The following RSF1 variants were observed in gnomAD, a reference collection of about 807,000 sequenced individuals.
RSF1 encodes remodeling and spacing factor 1, also known as HBV pX-associated protein 8.
In RSF1, 13 loss-of-function variants were observed where a neutral mutation model predicts 145.2. The observed-to-expected ratio is 0.09, with a 90% CI of 0.06 to 0.14. The LOEUF (loss-of-function observed/expected upper bound fraction) is 0.14, where lower values mean the gene tolerates loss of function less well. RSF1 is among the 10% of genes least tolerant of loss of function. The pLI is 1.00. For missense variants in RSF1, 1,517 were observed against 1,718.2 expected (o/e 0.88, Z 2.07); for synonymous variants, 577 against 592.6 (o/e 0.97, Z 0.38).
the RSF1 span, among the ~76,000 whole-genome samples, chr11:77,859,579 G>A: frequency 1.3e-5 from 2 of 152,124 alleles, no homozygotes; most frequent in Non-Finnish European, 2.9e-5. Flanking sequence ...TCTGCCAGCT[G>A]AGCACTAGTT....
At chr11:77,814,276 T>C (rs1948760937) in intron 1 of RSF1, among the ~76,000 whole-genome samples, 2 of 151,466 alleles carry the variant, frequency 1.3e-5, no homozygotes, top group Admixed American at 6.6e-5. Flanking sequence ...GGTGGGAGTA[T>C]CACCTGAGTC....
intron 5 of RSF1, among the ~76,000 whole-genome samples, chr11:77,713,845 C>A (rs1218544144): frequency 6.6e-6 from 1 of 152,076 alleles, no homozygotes; most frequent in Non-Finnish European, 1.5e-5. Flanking sequence ...GTTTGATGGG[C>A]ATGTCTTTCT....
intron 1 of RSF1, among the ~76,000 whole-genome samples, chr11:77,812,162 G>C (rs1948737934): frequency 6.6e-6 from 1 of 152,180 alleles, no homozygotes. Context: ...CTGGGTGACA[G>C]AGTGAGACCC....
rs190697157 is a variant in RSF1, at chr11:77,684,974, C to A, written c.2955+131G>T. On this transcript the variant is annotated intron_variant, in intron 10 of 15. Transcript: ENST00000308488. ...TGCACTCCAGTCTGGGCAACAAGAA[C>A]GAAACTCCATCTCGAAATAAATAAA... is the stretch of plus-strand genomic sequence containing the variant. 1.7e-4 allele frequency: 74 copies of A among 433,198 alleles called. No homozygotes were observed. In the South Asian group the frequency reaches 3.2e-3, roughly 19 times the overall value. 26.8% of individuals were successfully genotyped at this position (433,198 alleles called of 1,614,324 possible).
chr11:77,724,351 A>G (rs565329620), intron 5 of RSF1, among the ~76,000 whole-genome samples: 2 of 152,304 alleles, frequency 1.3e-5, no homozygotes, highest in East Asian at 1.9e-4. Flanking sequence ...GAATTACCAT[A>G]TATGATCCAG....
intron 5 of RSF1, among the ~76,000 whole-genome samples, chr11:77,709,915 C>T (rs888883231): frequency 6.6e-6 from 1 of 152,018 alleles, no homozygotes; most frequent in African/African-American, 2.4e-5. Flanking sequence ...CTGCACCTGA[C>T]CAGTGACAAT....
chr11:77,852,586 A>T, the RSF1 span, among the ~76,000 whole-genome samples: 1 of 152,104 alleles, frequency 6.6e-6, no homozygotes, highest in Non-Finnish European at 1.5e-5. Flanking sequence ...CAGGGACACA[A>T]ATCCAAACCA....
intron 4 of RSF1, among the ~76,000 whole-genome samples, chr11:77,739,738 T>G (rs914197498): frequency 3.9e-4 from 60 of 152,256 alleles, no homozygotes; most frequent in African/African-American, 1.4e-3. Flanking sequence ...AGGACCCCGA[T>G]ATCTTCCAAA....
chr11:77,797,961 A>G (rs1162211030), intron 1 of RSF1, among the ~76,000 whole-genome samples: 2 of 152,252 alleles, frequency 1.3e-5, no homozygotes, highest in African/African-American at 4.8e-5. Context: ...ATGAGATACC[A>G]TCTCACGCCA....
At chr11:77,836,897 G>A in the RSF1 span, among the ~76,000 whole-genome samples, 277 of 152,168 alleles carry the variant, frequency 1.8e-3, 2 homozygotes, top group African/African-American at 6.4e-3. Flanking sequence ...CCCGGGAGGC[G>A]GAGGTTGCGG....
At chr11:77,793,506 A>G (rs1473012969) in intron 1 of RSF1, among the ~76,000 whole-genome samples, 1 of 152,154 alleles carries the variant, frequency 6.6e-6, no homozygotes, top group Non-Finnish European at 1.5e-5. Flanking sequence ...AAAACAAGAA[A>G]TATGATCCAA....
At chr11:77,715,727 C>T (rs1444094122) in intron 5 of RSF1, among the ~76,000 whole-genome samples, 4 of 152,194 alleles carry the variant, frequency 2.6e-5, no homozygotes, top group Middle Eastern at 6.8e-3. Flanking sequence ...GGATTACAGG[C>T]GTGAGCCACC....
At chr11:77,674,450 T>C (rs1959637690) in intron 14 of RSF1, among the ~76,000 whole-genome samples, 1 of 152,220 alleles carries the variant, frequency 6.6e-6, no homozygotes, top group Non-Finnish European at 1.5e-5. Context: ...TTCTTCTCTC[T>C]CCAACAGCTG....
intron 5 of RSF1, among the ~76,000 whole-genome samples, chr11:77,707,810 G>A (rs1384080089): frequency 6.6e-6 from 1 of 152,140 alleles, no homozygotes; most frequent in Non-Finnish European, 1.5e-5. Flanking sequence ...ATTTTTCAAA[G>A]ACAGTGAAAC....
intron 4 of RSF1, among the ~76,000 whole-genome samples, chr11:77,731,491 CAAG>C (rs1565162979): frequency 6.6e-6 from 1 of 152,346 alleles, no homozygotes; most frequent in East Asian, 1.9e-4. Context: ...GCATAAGAAA[CAAG>C]AAGCCAAATG....
At chr11:77,869,770 G>A in the RSF1 span, 1 of 1,614,008 alleles carries the variant, frequency 6.2e-7, no homozygotes, top group Non-Finnish European at 8.5e-7. Flanking sequence ...TGTTGAGAAG[G>A]GTGTACAGAC....
intron 11 of RSF1, among the ~76,000 whole-genome samples, chr11:77,681,875 T>G (rs1328480030): frequency 6.6e-6 from 1 of 152,234 alleles, no homozygotes; most frequent in African/African-American, 2.4e-5. Flanking sequence ...AATGCAGTAT[T>G]TATGTATTTC....
chr11:77,742,455 T>C (rs889758100), intron 3 of RSF1, among the ~76,000 whole-genome samples: 1 of 152,146 alleles, frequency 6.6e-6, no homozygotes, highest in African/African-American at 2.4e-5. Context: ...AATTTTTGTA[T>C]TTTTAGTAGA....
the RSF1 span, among the ~76,000 whole-genome samples, chr11:77,864,809 T>C: frequency 6.6e-6 from 1 of 152,168 alleles, no homozygotes. Flanking sequence ...AGAGACCTCG[T>C]TGCTACAGAA....
Sources: allele counts gnomAD v4.1 joint callset (sites outside exome capture counted in the v4.1 genomes callset), GRCh38; gene constraint gnomAD v4.1.1; transcripts MANE v1.5; gene names NCBI Gene and HGNC (gene_info 2026-07-23, HGNC 2026-07-21).